DENND10: variants seen among roughly 807,000 people sequenced by gnomAD.
The protein encoded by DENND10 is DENN domain-containing protein 10.
In DENND10, 24 loss-of-function variants were observed where a neutral mutation model predicts 43.6. That is an observed-to-expected ratio of 0.55 (90% CI 0.40 to 0.77). The LOEUF is 0.77. Among genes scored for constraint, DENND10 ranks in the 30% least tolerant of loss-of-function variants. The probability of loss-of-function intolerance (pLI) is 0.00; values close to 1 mark genes in which losing one functional copy is unlikely to be tolerated. For synonymous variants in DENND10, 125 were observed against 157.6 expected (o/e 0.79, Z 1.55); for missense variants, 303 against 429.9 (o/e 0.70, Z 2.61).
chr10:119,110,583 A>C (rs1443340991), intron 2 of DENND10, among the ~76,000 whole-genome samples: 1 of 151,996 alleles, frequency 6.6e-6, no homozygotes, highest in East Asian at 1.9e-4. Flanking sequence ...CAGCCTCCCG[A>C]GTAGCTGGGA....
intron 6 of DENND10, 97 bp downstream of exon 6, chr10:119,123,666 A>AGAGGATCCCAGGGGAGGAACTGTT: frequency 2.2e-6 from 2 of 921,482 alleles, no homozygotes; most frequent in East Asian, 5.3e-5. Context: ...ATGGAGTGCA[A>AGAGGATCCCAGGGGAGGAACTGTT]TGGCACGATC....
chr10:119,109,461 A>C (rs1366467811), intron 2 of DENND10, among the ~76,000 whole-genome samples: 13 of 152,158 alleles, frequency 8.5e-5, no homozygotes, highest in Non-Finnish European at 1.9e-4. Flanking sequence ...TTTTAGGGCT[A>C]ATTTATAGCC....
intron 3 of DENND10, among the ~76,000 whole-genome samples, chr10:119,115,927 CTAATTTT>C (rs1184353546): frequency 6.6e-6 from 1 of 151,742 alleles, no homozygotes; most frequent in South Asian, 2.1e-4. Context: ...CCAGGCCCAG[CTAATTTT>C]TATATTTTTA....
In DENND10 at chr10:119,132,557, T is replaced by G; in HGVS notation, c.845T>G (p.Leu282Arg). 2 of 1,614,184 alleles carry G rather than the reference T, an allele frequency of 1.2e-6. No individual in the cohort carries two copies. The highest frequency in any genetic ancestry group is 4.5e-5 in the East Asian group (2 of 44,892). The part of the protein sequence containing the change: ...MGKLHKEMGQ[L>R]IVQSAEDPEK... Reference sequence around the variant, plus strand: ...AAACTGCACAAAGAAATGGGTCAGCTAATTGTTCAGTCTGCAGAAGATCCA... The same window carrying G: ...AAACTGCACAAAGAAATGGGTCAGCGAATTGTTCAGTCTGCAGAAGATCCA... Residue 282 changes from leucine (L) to arginine (R), a missense_variant, in exon 8 of 9, where the codon CTA becomes CGA. Coordinates refer to ENST00000361432, the MANE Select transcript of DENND10 (RefSeq NM_207009.4). This position sits in a 1 kb window ranked among gnomAD's most constrained non-coding sequence, Gnocchi z 4.2.
At chr10:119,127,022 C>T (rs900250174) in intron 6 of DENND10, among the ~76,000 whole-genome samples, 5 of 151,806 alleles carry the variant, frequency 3.3e-5, no homozygotes, top group African/African-American at 9.7e-5. Context: ...CCCCAGCCTC[C>T]CAAGTAGCTG....
chr10:119,125,461 T>A (rs1456766036), intron 6 of DENND10, among the ~76,000 whole-genome samples: 1 of 151,824 alleles, frequency 6.6e-6, no homozygotes, highest in Non-Finnish European at 1.5e-5. Flanking sequence ...CATTTATGAT[T>A]TCTTTGTGTT....
At chr10:119,118,887 A>G (rs1845424096) in intron 4 of DENND10, among the ~76,000 whole-genome samples, 1 of 134,130 alleles carries the variant, frequency 7.5e-6, no homozygotes, top group African/African-American at 2.9e-5. Context: ...TGTGTCACCC[A>G]GGCTGGAGTG....
chr10:119,109,479 C>T lies in DENND10; in HGVS notation c.252+1315C>T, dbSNP rs533220399. Among the ~76,000 whole-genome samples the T allele has an allele frequency of 4.6e-5, 7 of 151,984 alleles. No homozygotes were observed. In the East Asian group the frequency reaches 1.2e-3, roughly 25 times the overall value. ...TAGGGCTAATTTATAGCCAATAGTG[C>T]GACTATGTGAAGCATGACTAGAATA... On this transcript the variant is annotated intron_variant, in intron 2 of 8. Coordinates refer to ENST00000361432, the MANE Select transcript of DENND10 (RefSeq NM_207009.4).
At chr10:119,116,904 T>C (rs1192932386) in intron 3 of DENND10, among the ~76,000 whole-genome samples, 2 of 151,240 alleles carry the variant, frequency 1.3e-5, no homozygotes, top group East Asian at 4.0e-4. Context: ...GGTCTCCAAC[T>C]TCTGACCTCA....
chr10:119,120,491 G>A, intron 5 of DENND10, 39 bp downstream of exon 5: 1 of 1,297,398 alleles, frequency 7.7e-7, no homozygotes, highest in Non-Finnish European at 1.1e-6. Context: ...AACTTTGTTG[G>A]CAGACAGTTC....
At chr10:119,104,327 G>C in intron 1 of DENND10, 130 bp downstream of exon 1, 1 of 843,232 alleles carries the variant, frequency 1.2e-6, no homozygotes. Context: ...CCCCCTCCCT[G>C]TTGGGCCTGG....
Position 119,136,733 on chromosome 10 carries a change from AAC to A in DENND10, c.*88_*89del, listed in dbSNP as rs1325182002. 1 of 628,866 alleles carries A rather than the reference AAC, an allele frequency of 1.6e-6. No homozygotes were observed. The highest frequency in any genetic ancestry group is 3.5e-5 in the Admixed American group (1 of 28,598). 39.0% of individuals were successfully genotyped at this position (628,866 alleles called of 1,614,324 possible). A position where few individuals can be genotyped will look rare whatever the true frequency, so the allele number is the denominator to read the frequency against. Reference sequence around the variant, plus strand: ...ACTCACTACATGAAGTCCTGAAAATAACAGAGAAACTGTTATATCTTTTTAAT... The same window carrying A: ...ACTCACTACATGAAGTCCTGAAAATAAGAGAAACTGTTATATCTTTTTAAT... On this transcript the variant is annotated 3_prime_UTR_variant, in exon 9 of 9. Transcript: ENST00000361432.
intron 2 of DENND10, among the ~76,000 whole-genome samples, chr10:119,110,827 T>C (rs967533609): frequency 6.6e-6 from 1 of 152,194 alleles, no homozygotes; most frequent in Non-Finnish European, 1.5e-5. Flanking sequence ...GTATGGTTGT[T>C]ACTGAGATGT....
At chr10:119,107,840 C>A in intron 1 of DENND10, 128 bp from the exon 2 acceptor site, 1 of 809,050 alleles carries the variant, frequency 1.2e-6, no homozygotes, top group Non-Finnish European at 2.1e-6. Context: ...TTTGGGGTGT[C>A]AGGTATTGTG....
intron 7 of DENND10, among the ~76,000 whole-genome samples, chr10:119,130,091 G>A (rs1468331353): frequency 3.3e-5 from 5 of 151,464 alleles, no homozygotes; most frequent in African/African-American, 1.2e-4. Context: ...TGCAGCCTAT[G>A]CCTCCCGGGT....
chr10:119,105,659 A>AGC (rs1285237299), intron 1 of DENND10: 2 of 342,376 alleles, frequency 5.8e-6, no homozygotes, highest in African/African-American at 4.4e-5. Flanking sequence ...TTTTGAACTC[A>AGC]GCAGTTTTTT....
intron 5 of DENND10, among the ~76,000 whole-genome samples, chr10:119,122,387 C>G (rs1845618492): frequency 6.6e-6 from 1 of 152,160 alleles, no homozygotes; most frequent in Non-Finnish European, 1.5e-5. Context: ...TATCTACTTA[C>G]AAGTTTGTTA....
intron 5 of DENND10, among the ~76,000 whole-genome samples, chr10:119,122,736 C>T (rs1222617781): frequency 2.0e-5 from 3 of 152,266 alleles, no homozygotes; most frequent in African/African-American, 7.2e-5. Flanking sequence ...GAAACAAACA[C>T]ACTTGGTTTG....
rs1395109072 is a variant in DENND10, at chr10:119,123,477, C to A, written c.602C>A (p.Pro201His). The A allele has an allele frequency of 1.9e-6, 3 of 1,613,324 alleles. No homozygotes were observed. The South Asian group carries it at 3.3e-5, about 18-fold the overall frequency. The change falls in exon 6 of 9, where the codon CCT (proline) becomes CAT (histidine). Residue 201 changes from proline to histidine, a missense_variant. By Grantham distance (77) the Pro-to-His change is moderately conservative. Coordinates refer to ENST00000361432, the MANE Select transcript of DENND10 (RefSeq NM_207009.4). ...EAVQEFTRTL[P>H]ALVWHRQDWT... ...TTGCCTTGATTCCCCAGGACTCTGC[C>A]TGCCCTGGTGTGGCACCGACAGGAC... is the stretch of plus-strand genomic sequence containing the variant.
Sources: gnomAD v4.1 joint callset for allele counts (sites outside exome capture counted in the v4.1 genomes callset) on GRCh38, gnomAD v4.1.1 for gene constraint, Gnocchi (gnomAD v3.1) non-coding constraint, MANE v1.5 for transcripts, NCBI Gene and HGNC (gene_info 2026-07-23, HGNC 2026-07-21) for gene names.